SLC12A6: variants seen among roughly 807,000 people sequenced by gnomAD.
The protein encoded by SLC12A6 is solute carrier family 12 member 6, also known as K-Cl cotransporter 3.
A neutral mutation model predicts 135.3 loss-of-function variants in SLC12A6; 66 were observed. The ratio of observed to expected loss-of-function variants is 0.49; its 90% CI spans 0.40 to 0.60. The LOEUF is 0.60. Among genes scored for constraint, SLC12A6 ranks in the 20% least tolerant of loss-of-function variants. The pLI is 0.00. For missense variants in SLC12A6, 1,058 were observed against 1,452.3 expected, an observed-to-expected ratio of 0.73 and a Z score of 4.41; for synonymous variants, 513 against 508.8, an observed-to-expected ratio of 1.01 and a Z score of -0.11.
chr15:34,237,409 G>T lies in SLC12A6; in HGVS notation c.2934+10C>A. 1 of 1,609,794 alleles carries T rather than the reference G, an allele frequency of 6.2e-7. No homozygotes were observed. Among genetic ancestry groups the T allele is most frequent in the African/African-American group, 1.3e-5 (1 of 74,848 alleles). ...ATGAACCTCTTGTATCTCAAACTCA[G>T]CTTTCTCACCATCTCCACCACTTCT... On this transcript the variant is annotated intron_variant, in intron 22 of 25. Transcript: ENST00000354181.
At chr15:34,296,511 G>A (rs1444091683) in intron 2 of SLC12A6, among the ~76,000 whole-genome samples, 1 of 152,060 alleles carries the variant, frequency 6.6e-6, no homozygotes, top group Admixed American at 6.5e-5. Context: ...TAAAATTTAG[G>A]TACAAGAATG....
chr15:34,236,505 C>T (rs112485549), intron 23 of SLC12A6, among the ~76,000 whole-genome samples: 2 of 152,242 alleles, frequency 1.3e-5, no homozygotes, highest in African/African-American at 4.8e-5. Flanking sequence ...CCACCATGCC[C>T]GGCTAATTTT....
chr15:34,235,100 G>C, intron 25 of SLC12A6, 81 bp downstream of exon 25: 1 of 1,270,950 alleles, frequency 7.9e-7, no homozygotes, highest in Non-Finnish European at 1.2e-6. Context: ...CATAGACAAT[G>C]ACTTTTATTG....
At chr15:34,247,660 T>TA (rs1243276351) in intron 13 of SLC12A6, among the ~76,000 whole-genome samples, 3 of 151,800 alleles carry the variant, frequency 2.0e-5, no homozygotes, top group Non-Finnish European at 4.4e-5. Context: ...AATTCTCTCT[T>TA]ATGCCCATCC....
chr15:34,251,126 C>A, intron 10 of SLC12A6, 69 bp from the exon 11 acceptor site: 1 of 1,177,854 alleles, frequency 8.5e-7, no homozygotes, highest in South Asian at 1.2e-5. Flanking sequence ...ATTTTCTACC[C>A]AAACATTCAA....
At chr15:34,295,774 G>A (rs190757525) in intron 2 of SLC12A6, among the ~76,000 whole-genome samples, 103 of 152,274 alleles carry the variant, frequency 6.8e-4, no homozygotes, top group African/African-American at 2.0e-3. Context: ...CAAGGTAGGC[G>A]GATCACCTGA....
intron 2 of SLC12A6, among the ~76,000 whole-genome samples, chr15:34,306,359 A>T (rs997012916): frequency 6.6e-6 from 1 of 152,220 alleles, no homozygotes; most frequent in African/African-American, 2.4e-5. Context: ...AGGGATGGGA[A>T]GATCTCAGAC....
rs1016979822 is a variant in SLC12A6 at position 34,318,925 on chromosome 15, T to C, written c.271+17485A>G. The C allele has an allele frequency of 4.2e-5, 38 of 904,768 alleles. No homozygotes were observed. The African/African-American group carries it at 6.5e-4, about 15-fold the overall frequency. 56.0% of individuals were successfully genotyped at this position (904,768 alleles called of 1,614,324 possible). A position where few individuals can be genotyped will look rare whatever the true frequency, so the allele number is the denominator to read the frequency against. ...GGATTAAGCACTCCACCCTTGCTTA[T>C]TGTTATTAACCTGAAGAACCCCAAG... is the stretch of plus-strand genomic sequence containing the variant. On this transcript the variant is annotated intron_variant, in intron 2 of 25. Transcript: ENST00000354181.
At chr15:34,242,990 T>C (rs546966311) in intron 16 of SLC12A6, among the ~76,000 whole-genome samples, 74 of 152,016 alleles carry the variant, frequency 4.9e-4, no homozygotes, top group Non-Finnish European at 9.6e-4. Flanking sequence ...GACTCCCGGG[T>C]TCAAGCGATT....
chr15:34,320,001 C>T (rs6495659), intron 2 of SLC12A6, among the ~76,000 whole-genome samples: 6,047 of 152,162 alleles, frequency 0.04, 225 homozygotes, highest in African/African-American at 0.1. Context: ...AAGTTCTCAG[C>T]TGACGACTTT....
At position 34,266,584 on chromosome 15, in the gene SLC12A6, G is replaced by A. The variant is rs550984078; in HGVS notation, c.317-5564C>T. Among the ~76,000 whole-genome samples, 4 of 152,240 alleles carry A rather than the reference G, an allele frequency of 2.6e-5. No homozygotes were observed. In the East Asian group the frequency reaches 7.7e-4, roughly 29 times the overall value. On this transcript the variant is annotated intron_variant, in intron 3 of 25. Transcript: ENST00000354181. ...AGCCTCCCAAGTAGCTAGGACTACA[G>A]GCTTATGCCACCATGAAGAGCTAAT...
At chr15:34,278,287 C>T (rs1894432978) in intron 2 of SLC12A6, among the ~76,000 whole-genome samples, 1 of 151,874 alleles carries the variant, frequency 6.6e-6, no homozygotes, top group Admixed American at 6.6e-5. Flanking sequence ...ATCAGCTGGG[C>T]GTGGTGGCGT....
Position 34,252,179 on chromosome 15 carries a change from T to C in SLC12A6, c.1324A>G (p.Ile442Val), listed in dbSNP as rs770625474. 4.5e-6 allele frequency: 7 copies of C among 1,558,640 alleles called. No homozygotes were observed. The Admixed American group carries it at 8.3e-5, about 19-fold the overall frequency. The change falls in exon 10 of 26, where the codon ATA becomes GTA. Residue 442 changes from isoleucine (I) to valine (V), a missense_variant. Physicochemically the swap from Ile to Val is conservative, Grantham distance 29. Coordinates refer to ENST00000354181, the MANE Select transcript of SLC12A6 (RefSeq NM_001365088.1). Reference sequence around the variant, plus strand: ...TAACTCCCTAACTTACCTGTAATTATACCACTAGCCAATCCAGGAATGCCC... The same window carrying C: ...TAACTCCCTAACTTACCTGTAATTACACCACTAGCCAATCCAGGAATGCCC... ...IQGIPGLASG[I>V]ITENLWSNYL...
chr15:34,248,464 A>C (rs78140673), intron 13 of SLC12A6, among the ~76,000 whole-genome samples: 1 of 151,974 alleles, frequency 6.6e-6, no homozygotes, highest in Non-Finnish European at 1.5e-5. Context: ...CACTCTCAAT[A>C]ATAATTTTTA....
intron 2 of SLC12A6, among the ~76,000 whole-genome samples, chr15:34,323,569 A>G (rs1052028910): frequency 6.6e-6 from 1 of 152,168 alleles, no homozygotes; most frequent in Non-Finnish European, 1.5e-5. Context: ...TGCCAAAACC[A>G]TGCCTGTCCC....
intron 3 of SLC12A6, among the ~76,000 whole-genome samples, chr15:34,271,275 C>T (rs1254403023): frequency 6.6e-6 from 1 of 151,886 alleles, no homozygotes; most frequent in Non-Finnish European, 1.5e-5. Context: ...AGAAACTCAA[C>T]TTGATGAGGG....
Position 34,230,842 on chromosome 15 carries a change from G to C in SLC12A6, c.*3039C>G, listed in dbSNP as rs765437783. 1 of 136,266 alleles carries C rather than the reference G, an allele frequency of 7.3e-6. No individual in the cohort carries two copies. 8.4% of individuals were successfully genotyped at this position (136,266 alleles called of 1,614,324 possible). ...CCATGTAACAGTGATTTTGTGTTTC[G>C]GGCTGAAGCAGTGGTTATATTAAAA... On this transcript the variant is annotated 3_prime_UTR_variant, in exon 26 of 26. Transcript: ENST00000354181.
chr15:34,333,372 G>A (rs976525090), intron 2 of SLC12A6, among the ~76,000 whole-genome samples: 5 of 152,000 alleles, frequency 3.3e-5, no homozygotes, highest in African/African-American at 1.2e-4. Flanking sequence ...TGGGATTACA[G>A]GCGCACGCCG....
intron 2 of SLC12A6, among the ~76,000 whole-genome samples, chr15:34,283,319 G>C (rs1470839137): frequency 6.6e-6 from 1 of 151,752 alleles, no homozygotes. Context: ...CTCCAACCTG[G>C]GTGACAAGAG....
Sources: allele counts gnomAD v4.1 joint callset (sites outside exome capture counted in the v4.1 genomes callset), GRCh38; gene constraint gnomAD v4.1.1; transcripts MANE v1.5; gene names NCBI Gene and HGNC (gene_info 2026-07-23, HGNC 2026-07-21).